Variants in SGCZ observed in about 807,000 individuals in gnomAD.
The protein encoded by SGCZ is zeta-sarcoglycan.
Under a neutral mutation model 41.3 loss-of-function variants are expected in SGCZ, and 40 were observed. That is an observed-to-expected ratio of 0.97 (90% CI 0.75 to 1.26). The LOEUF is 1.26. SGCZ is among the 50% of genes most tolerant of loss of function. The probability of loss-of-function intolerance (pLI) is 0.00; values close to 1 mark genes in which losing one functional copy is unlikely to be tolerated. For missense variants in SGCZ, 552 were observed against 369.8 expected (o/e 1.49, Z -4.04); for synonymous variants, 206 against 137.5 (o/e 1.50, Z -3.49).
intron 1 of SGCZ, among the ~76,000 whole-genome samples, chr8:14,666,162 A>G (rs1807903723): frequency 1.3e-5 from 2 of 152,146 alleles, no homozygotes; most frequent in African/African-American, 4.8e-5. Context: ...TGCCTTTCAA[A>G]TGTCCTAACA....
chr8:15,056,455 T>G (rs188179131), intron 1 of SGCZ, among the ~76,000 whole-genome samples: 1 of 152,092 alleles, frequency 6.6e-6, no homozygotes, highest in Non-Finnish European at 1.5e-5. Context: ...CCATTGTAAG[T>G]TGAACAAAAA....
intron 1 of SGCZ, among the ~76,000 whole-genome samples, chr8:15,119,552 A>C (rs1563136327): frequency 7.1e-6 from 1 of 140,946 alleles, no homozygotes; most frequent in Non-Finnish European, 1.5e-5. Flanking sequence ...AAAAAAAAAA[A>C]CCCTCCTAAT....
chr8:14,216,044 G>C (rs1805983227), intron 4 of SGCZ, among the ~76,000 whole-genome samples: 1 of 152,224 alleles, frequency 6.6e-6, no homozygotes, highest in Non-Finnish European at 1.5e-5. Context: ...CATTTATTCA[G>C]CACAGATTTA....
At chr8:14,828,075 A>G (rs534929864) in intron 1 of SGCZ, among the ~76,000 whole-genome samples, 8 of 152,314 alleles carry the variant, frequency 5.3e-5, no homozygotes, top group Admixed American at 3.9e-4. Context: ...CTTGAAATGA[A>G]TCTCTATTAG....
intron 5 of SGCZ, among the ~76,000 whole-genome samples, chr8:14,130,841 G>A (rs1803019350): frequency 6.6e-6 from 1 of 152,106 alleles, no homozygotes; most frequent in Admixed American, 6.5e-5. Context: ...CTTTGTTGCC[G>A]TGTGTGCAGT....
At chr8:14,396,411 C>T (rs1798921918) in intron 2 of SGCZ, among the ~76,000 whole-genome samples, 2 of 152,078 alleles carry the variant, frequency 1.3e-5, no homozygotes, top group Admixed American at 6.6e-5. Context: ...ATTCCTGATA[C>T]CTAATCCTCA....
chr8:15,230,762 T>C (rs1207649251), intron 1 of SGCZ, among the ~76,000 whole-genome samples: 2 of 152,214 alleles, frequency 1.3e-5, no homozygotes, highest in Admixed American at 6.5e-5. Context: ...TTCCTCAGAC[T>C]GTCTTGAACC....
At chr8:14,409,895 T>A (rs1484652961) in intron 2 of SGCZ, among the ~76,000 whole-genome samples, 1 of 152,020 alleles carries the variant, frequency 6.6e-6, no homozygotes, top group Non-Finnish European at 1.5e-5. Context: ...TATGACACAA[T>A]ATATGGGAGG....
chr8:14,783,762 A>G (rs1388994474), intron 1 of SGCZ, among the ~76,000 whole-genome samples: 1 of 152,134 alleles, frequency 6.6e-6, no homozygotes, highest in Non-Finnish European at 1.5e-5. Context: ...TCATTTGGAA[A>G]TAACTGGCAA....
chr8:14,232,848 C>A (rs1478034), intron 4 of SGCZ, among the ~76,000 whole-genome samples: 34,916 of 151,918 alleles, frequency 0.23, 5,002 homozygotes, highest in South Asian at 0.41. Context: ...AATACAAGAT[C>A]CTATTTAAAG....
chr8:14,751,209 A>T (rs944214565), intron 1 of SGCZ, among the ~76,000 whole-genome samples: 3 of 152,176 alleles, frequency 2.0e-5, no homozygotes, highest in African/African-American at 7.2e-5. Flanking sequence ...CACATCAGTG[A>T]TAAAGATAGA....
intron 7 of SGCZ, among the ~76,000 whole-genome samples, chr8:14,097,278 G>T (rs891177703): frequency 6.6e-6 from 1 of 152,196 alleles, no homozygotes; most frequent in Non-Finnish European, 1.5e-5. Flanking sequence ...GTGTCCCAGA[G>T]ATTCTGGTAT....
At chr8:14,414,854 A>G (rs1799453060) in intron 2 of SGCZ, among the ~76,000 whole-genome samples, 1 of 151,988 alleles carries the variant, frequency 6.6e-6, no homozygotes, top group African/African-American at 2.4e-5. Flanking sequence ...GTGATCATAA[A>G]TTCAAAATTG....
At chr8:15,003,162 G>T (rs976840041) in intron 1 of SGCZ, among the ~76,000 whole-genome samples, 3 of 152,110 alleles carry the variant, frequency 2.0e-5, no homozygotes, top group Admixed American at 2.0e-4. Flanking sequence ...TTGGGAGAAA[G>T]ATTTCTGCCA....
chr8:14,459,465 A>T (rs1367707787), intron 2 of SGCZ, among the ~76,000 whole-genome samples: 1 of 152,198 alleles, frequency 6.6e-6, no homozygotes, highest in East Asian at 1.9e-4. Flanking sequence ...GTTCTAATAC[A>T]TATAGAAGGC....
At chr8:14,239,248 AACACACACACACACAC>A (rs36209114) in intron 3 of SGCZ, among the ~76,000 whole-genome samples, 12 of 149,364 alleles carry the variant, frequency 8.0e-5, no homozygotes, top group South Asian at 2.1e-4. Flanking sequence ...TTCATACATG[AACACACACACACACAC>A]ACACACACAC....
chr8:14,866,809 GA>G (rs1438082790), intron 1 of SGCZ, among the ~76,000 whole-genome samples: 1 of 150,314 alleles, frequency 6.7e-6, no homozygotes, highest in South Asian at 2.1e-4. Context: ...GAAACTAAAA[GA>G]AAAAAAAGGT....
At chr8:14,776,518 C>CTTTTTTTTTTTTTTTTT (rs35602866) in intron 1 of SGCZ, among the ~76,000 whole-genome samples, 4 of 116,632 alleles carry the variant, frequency 3.4e-5, no homozygotes, top group Non-Finnish European at 6.9e-5. Context: ...TTTTCTTTTT[C>CTTTTTTTTTTTTTTTTT]TTTTTTTTTT....
chr8:14,972,577 T>G (rs1801337409), intron 1 of SGCZ, among the ~76,000 whole-genome samples: 1 of 152,182 alleles, frequency 6.6e-6, no homozygotes, highest in South Asian at 2.1e-4. Context: ...CTGCTCTTTT[T>G]CTCTTTTTCT....
Sources: gnomAD v4.1 joint callset for allele counts (sites outside exome capture counted in the v4.1 genomes callset) on GRCh38, gnomAD v4.1.1 for gene constraint, MANE v1.5 for transcripts, NCBI Gene and HGNC (gene_info 2026-07-23, HGNC 2026-07-21) for gene names.